The following PTPRN2 variants were observed in gnomAD, a reference collection of about 807,000 sequenced individuals.
PTPRN2 encodes protein tyrosine phosphatase receptor type N2.
A neutral mutation model predicts 118.8 loss-of-function variants in PTPRN2; 74 were observed. The observed-to-expected ratio is 0.62, with a 90% CI of 0.52 to 0.76. The LOEUF (loss-of-function observed/expected upper bound fraction) is 0.76, where lower values mean the gene tolerates loss of function less well. Among genes scored for constraint, PTPRN2 ranks in the 30% least tolerant of loss-of-function variants. PTPRN2 has a pLI of 0.00. For missense variants in PTPRN2, 1,481 were observed against 1,394.4 expected (o/e 1.06, Z -0.99); for synonymous variants, 641 against 608.0 (o/e 1.05, Z -0.80).
chr7:158,129,159 C>A (rs370298269), intron 9 of PTPRN2, among the ~76,000 whole-genome samples: 2,902 of 146,594 alleles, frequency 0.02, 84 homozygotes, highest in African/African-American at 0.069. Context: ...ACACTACACA[C>A]CACACACATA....
intron 13 of PTPRN2, among the ~76,000 whole-genome samples, chr7:157,658,822 G>A (rs1416165674): frequency 6.6e-6 from 1 of 152,180 alleles, no homozygotes; most frequent in Non-Finnish European, 1.5e-5. Context: ...AAATGCATTC[G>A]TGAGAAAAAG....
chr7:158,198,922 C>T (rs1293930312), intron 4 of PTPRN2, among the ~76,000 whole-genome samples: 2 of 106,504 alleles, frequency 1.9e-5, no homozygotes. Context: ...TAGCCCTTAG[C>T]ATGTTCTTCT....
rs978471066 is a variant in PTPRN2, at chr7:157,874,382, C to T, written c.1788+24291G>A. ...CAGGTGAAGTGGACCTGACCCAGCT[C>T]CTGCTTTCTGCCCCCTCCTGTCCCC... On this transcript the variant is annotated intron_variant, in intron 12 of 22. Transcript: ENST00000389418. The surrounding 1 kb of genome is among the most constrained non-coding windows in gnomAD (Gnocchi z 5.8). 2.0e-5 allele frequency among the ~76,000 whole-genome samples: 3 copies of T among 152,336 alleles called. 1 individual carries two copies. Among genetic ancestry groups the T allele is most frequent in the Admixed American group, 1.3e-4 (2 of 15,310 alleles).
chr7:157,976,969 C>G (rs754088023), intron 11 of PTPRN2, among the ~76,000 whole-genome samples: 16 of 151,758 alleles, frequency 1.1e-4, no homozygotes, highest in Non-Finnish European at 2.2e-4. Context: ...AGATAGCTGT[C>G]ATGCCAGGAA....
At chr7:158,075,210 C>G (rs1812247647) in intron 11 of PTPRN2, among the ~76,000 whole-genome samples, 1 of 152,168 alleles carries the variant, frequency 6.6e-6, no homozygotes, top group Admixed American at 6.5e-5. Context: ...AAGTAATTAC[C>G]TGGCTGTTCA....
At chr7:158,129,514 C>T (rs1817998913) in intron 9 of PTPRN2, among the ~76,000 whole-genome samples, 1 of 151,562 alleles carries the variant, frequency 6.6e-6, no homozygotes, top group Non-Finnish European at 1.5e-5. Context: ...CAACATACTA[C>T]ACACCACACA....
chr7:158,079,486 AG>A (rs1812627818), intron 11 of PTPRN2, among the ~76,000 whole-genome samples: 1 of 152,234 alleles, frequency 6.6e-6, no homozygotes, highest in Non-Finnish European at 1.5e-5. Context: ...AATAAATCAA[AG>A]GTCCTTGTCT....
chr7:157,992,568 C>T (rs903245822), intron 11 of PTPRN2, among the ~76,000 whole-genome samples: 1 of 152,208 alleles, frequency 6.6e-6, no homozygotes, highest in African/African-American at 2.4e-5. Flanking sequence ...AAAAATAAAA[C>T]AAAACAAAAT....
intron 3 of PTPRN2, among the ~76,000 whole-genome samples, chr7:158,282,706 G>T (rs944117146): frequency 2.7e-5 from 4 of 150,706 alleles, no homozygotes; most frequent in African/African-American, 9.8e-5. Flanking sequence ...CGGACAGACG[G>T]CTGATCCCTC....
intron 3 of PTPRN2, among the ~76,000 whole-genome samples, chr7:158,255,214 A>C (rs1428385454): frequency 1.3e-5 from 2 of 152,204 alleles, no homozygotes; most frequent in Non-Finnish European, 2.9e-5. Flanking sequence ...CAAGATCACC[A>C]AGGGCAAGAC....
At chr7:158,026,503 C>T (rs1215309243) in intron 11 of PTPRN2, among the ~76,000 whole-genome samples, 11 of 152,130 alleles carry the variant, frequency 7.2e-5, no homozygotes, top group Admixed American at 6.5e-4. Flanking sequence ...CCTTATTGAT[C>T]GAAATTATTC....
chr7:158,281,542 C>T (rs534749816), intron 3 of PTPRN2, among the ~76,000 whole-genome samples: 16 of 152,354 alleles, frequency 1.1e-4, no homozygotes, highest in African/African-American at 3.8e-4. Context: ...CAGATCCAGA[C>T]TGGCTAAGAG....
chr7:158,443,096 G>A (rs55953205), intron 2 of PTPRN2, among the ~76,000 whole-genome samples: 3 of 144,690 alleles, frequency 2.1e-5, no homozygotes, highest in Admixed American at 6.9e-5. Flanking sequence ...CTTTAAACCA[G>A]AATGACTCTT....
At chr7:158,503,550 C>A (rs779985445) in intron 1 of PTPRN2, among the ~76,000 whole-genome samples, 43 of 152,192 alleles carry the variant, frequency 2.8e-4, no homozygotes, top group Non-Finnish European at 4.4e-5. Flanking sequence ...AGAGCCGGCA[C>A]CACAAGAATG....
In PTPRN2 at chr7:158,548,299, G is replaced by A. The variant is rs75669316; in HGVS notation, c.112+39259C>T. On this transcript the variant is annotated intron_variant, in intron 1 of 22. Coordinates refer to ENST00000389418, the MANE Select transcript of PTPRN2 (RefSeq NM_002847.5). ...CCCTGATCCAAGAGCAGCCGGCCCCGATTGTCTTTGGTTACCAGGAAATGT... is the reference window on the plus strand; with the variant it reads ...CCCTGATCCAAGAGCAGCCGGCCCCAATTGTCTTTGGTTACCAGGAAATGT... 5.4e-3 allele frequency among the ~76,000 whole-genome samples: 817 copies of A among 152,330 alleles called. 11 individuals carry two copies. The highest frequency in any genetic ancestry group is 0.031 in the East Asian group (163 of 5,182).
chr7:157,835,732 G>A (rs933698130), intron 12 of PTPRN2, among the ~76,000 whole-genome samples: 1 of 152,124 alleles, frequency 6.6e-6, no homozygotes, highest in Admixed American at 6.5e-5. Context: ...TTTACTTGGG[G>A]GAAGGTCCTA....
chr7:158,470,381 C>T (rs548043526), intron 2 of PTPRN2, among the ~76,000 whole-genome samples: 7 of 152,282 alleles, frequency 4.6e-5, no homozygotes, highest in East Asian at 3.9e-4. Flanking sequence ...CTGGATTTGA[C>T]GGAACTTCTC....
At chr7:157,626,471 A>C (rs933597694) in intron 14 of PTPRN2, among the ~76,000 whole-genome samples, 1 of 152,082 alleles carries the variant, frequency 6.6e-6, no homozygotes, top group African/African-American at 2.4e-5. Context: ...TTCAGACAAC[A>C]CTTCCTCCTC....
chr7:157,954,594 G>C lies in PTPRN2; in HGVS notation c.1724-55857C>G, dbSNP rs369980965. On this transcript the variant is annotated intron_variant, in intron 11 of 22. Transcript: ENST00000389418. ...GGGTGGTGCCTGTGTACTGTGTGTG[G>C]TGTGTGTGTGTGGTGTGGGTTGTGG... 9.5e-3 allele frequency among the ~76,000 whole-genome samples: 1,374 copies of C among 144,864 alleles called. 43 individuals are homozygous for C. Among genetic ancestry groups the C allele is most frequent in the African/African-American group, 0.033 (1,229 of 37,326 alleles).
Sources: allele counts gnomAD v4.1 joint callset (sites outside exome capture counted in the v4.1 genomes callset), GRCh38; gene constraint gnomAD v4.1.1; non-coding constraint Gnocchi (gnomAD v3.1); transcripts MANE v1.5; gene names NCBI Gene and HGNC (gene_info 2026-07-23, HGNC 2026-07-21).